RASGRP1: variants seen among roughly 807,000 people sequenced by gnomAD.
The protein encoded by RASGRP1 is RAS guanyl releasing protein 1, also known as RAS guanyl-releasing protein 1.
A neutral mutation model predicts 95.1 loss-of-function variants in RASGRP1; 37 were observed. The observed-to-expected ratio is 0.39, with a 90% confidence interval of 0.30 to 0.51. RASGRP1 has a LOEUF of 0.51. Ranked by LOEUF, RASGRP1 falls within the 20% of genes least tolerant of loss-of-function variation. The probability of loss-of-function intolerance (pLI) is 0.80; values close to 1 mark genes in which losing one functional copy is unlikely to be tolerated. For missense variants in RASGRP1, 711 were observed against 965.4 expected, an observed-to-expected ratio of 0.74 and a Z score of 3.49; for synonymous variants, 325 against 353.4, an observed-to-expected ratio of 0.92 and a Z score of 0.90.
chr15:38,525,095 G>A (rs765268600), intron 3 of RASGRP1, among the ~76,000 whole-genome samples: 5 of 151,774 alleles, frequency 3.3e-5, no homozygotes, highest in Non-Finnish European at 7.4e-5. Flanking sequence ...AGCCTCATGA[G>A]TAGCTGGAAT....
intron 2 of RASGRP1, among the ~76,000 whole-genome samples, chr15:38,557,940 A>T (rs919293715): frequency 6.6e-6 from 1 of 152,328 alleles, no homozygotes; most frequent in East Asian, 1.9e-4. Flanking sequence ...GAAGGACTTC[A>T]GAATCAGTCA....
chr15:38,557,527 C>T (rs558927299), intron 2 of RASGRP1, among the ~76,000 whole-genome samples: 1 of 152,180 alleles, frequency 6.6e-6, no homozygotes, highest in African/African-American at 2.4e-5. Flanking sequence ...TGCACTTACT[C>T]AAACTCTACA....
At chr15:38,520,315 G>A (rs774000997) in intron 3 of RASGRP1, among the ~76,000 whole-genome samples, 88 of 152,172 alleles carry the variant, frequency 5.8e-4, no homozygotes, top group Non-Finnish European at 9.8e-4. Flanking sequence ...GGAATCCAGT[G>A]AACAACCCAG....
chr15:38,507,047 G>A (rs1891287095), intron 9 of RASGRP1, among the ~76,000 whole-genome samples: 1 of 152,180 alleles, frequency 6.6e-6, no homozygotes, highest in Non-Finnish European at 1.5e-5. Context: ...AAAACAGCAG[G>A]TTAAAAACTG....
At chr15:38,561,439 C>G (rs1232593825) in intron 1 of RASGRP1, among the ~76,000 whole-genome samples, 2 of 152,102 alleles carry the variant, frequency 1.3e-5, no homozygotes, top group African/African-American at 4.8e-5. Flanking sequence ...CATGATGTTC[C>G]CAGAGAAGAA....
Position 38,506,006 on chromosome 15 carries a change from C to A in RASGRP1, c.1243-86G>T, listed in dbSNP as rs1166338291. The A allele has an allele frequency of 1.0e-4, 110 of 1,100,380 alleles. 1 individual carries two copies. In the South Asian group the frequency reaches 1.2e-3, roughly 12 times the overall value. The allele number at this position is 1,100,380 out of a possible 1,614,324, so 68.2% of individuals were successfully genotyped here. ...ATGGTTCTTTCTTGGATTTTCCTTG[C>A]CAGTAGTTTACTCTTTTAGGTTCTA... On this transcript the variant is annotated intron_variant, in intron 9 of 16. Transcript: ENST00000310803.
At chr15:38,518,252 G>A in intron 5 of RASGRP1, 40 bp downstream of exon 5, 1 of 1,593,448 alleles carries the variant, frequency 6.3e-7, no homozygotes, top group Non-Finnish European at 8.6e-7. Context: ...TTACAGGAGG[G>A]AGGTGGTTTC....
At chr15:38,491,802 A>C (rs113406482) in intron 16 of RASGRP1, among the ~76,000 whole-genome samples, 1 of 152,208 alleles carries the variant, frequency 6.6e-6, no homozygotes, top group Non-Finnish European at 1.5e-5. Context: ...AAAAGTAAAG[A>C]GAGGCGGTGG....
chr15:38,524,878 AG>A (rs1463160957), intron 3 of RASGRP1, among the ~76,000 whole-genome samples: 1 of 151,716 alleles, frequency 6.6e-6, no homozygotes, highest in African/African-American at 2.4e-5. Flanking sequence ...GAGAAGTACG[AG>A]GGACCATGGG....
At chr15:38,503,063 AGAG>A in intron 11 of RASGRP1, 1 of 582,404 alleles carries the variant, frequency 1.7e-6, no homozygotes, top group Non-Finnish European at 3.0e-6. Context: ...TAGGTCTTGA[AGAG>A]GAGGCACAAC....
intron 10 of RASGRP1, chr15:38,503,975 C>T (rs1210246111): frequency 6.8e-6 from 1 of 146,924 alleles, no homozygotes; most frequent in African/African-American, 2.5e-5. Context: ...GCCTACTGCT[C>T]CTAGGCTACA....
intron 4 of RASGRP1, 120 bp from the exon 5 acceptor site, chr15:38,518,543 G>A (rs560309111): frequency 4.9e-5 from 54 of 1,099,666 alleles, no homozygotes; most frequent in East Asian, 1.3e-4. Context: ...AGTCTGATTC[G>A]TCTATTAGTA....
At chr15:38,500,475 G>C (rs985307411) in intron 13 of RASGRP1, among the ~76,000 whole-genome samples, 8 of 151,988 alleles carry the variant, frequency 5.3e-5, no homozygotes, top group African/African-American at 1.7e-4. Flanking sequence ...CCAAGTAGCT[G>C]GGACTACCAG....
At chr15:38,550,242 C>CA (rs56383365) in intron 2 of RASGRP1, among the ~76,000 whole-genome samples, 39,317 of 88,506 alleles carry the variant, frequency 0.44, 7,472 homozygotes, top group East Asian at 0.61. Context: ...ACTCTGTCGC[C>CA]AAAAAAAAAA....
chr15:38,560,835 T>C (rs1893777306), intron 1 of RASGRP1, among the ~76,000 whole-genome samples: 1 of 152,176 alleles, frequency 6.6e-6, no homozygotes, highest in Non-Finnish European at 1.5e-5. Flanking sequence ...AAGGGCAAGT[T>C]TGGATCTAGA....
chr15:38,514,136 T>C (rs746093654), intron 6 of RASGRP1, among the ~76,000 whole-genome samples: 1 of 152,146 alleles, frequency 6.6e-6, no homozygotes, highest in Non-Finnish European at 1.5e-5. Context: ...TGGGGGGTTA[T>C]TACTACAGTA....
At chr15:38,504,808 G>A (rs1891189504) in intron 10 of RASGRP1, 1 of 152,150 alleles carries the variant, frequency 6.6e-6, no homozygotes, top group African/African-American at 2.4e-5. Context: ...AGTGAGTAAT[G>A]TGTTGTGCTA....
At chr15:38,536,675 T>A (rs1208274103) in intron 2 of RASGRP1, among the ~76,000 whole-genome samples, 1 of 152,200 alleles carries the variant, frequency 6.6e-6, no homozygotes, top group Non-Finnish European at 1.5e-5. Flanking sequence ...CTCATTCCAG[T>A]GCATGATGGA....
chr15:38,494,606 G>T lies in RASGRP1; in HGVS notation c.2035C>A (p.Pro679Thr), dbSNP rs1267404012. 1.3e-6 allele frequency: 2 copies of T among 1,560,000 alleles called. No homozygotes were observed. The highest frequency in any genetic ancestry group is 8.6e-7 in the Non-Finnish European group (1 of 1,157,602). Residue 679 changes from proline (P) to threonine (T), a missense_variant, in exon 16 of 17, where the codon CCT (proline) becomes ACT (threonine). Coordinates refer to ENST00000310803, the MANE Select transcript of RASGRP1 (RefSeq NM_005739.4). ...GAAGGGCCCTCACTGCCAATCCAAG[G>T]CTGTGATTCAGTCTGGGTGGCCTTG... ...AHKATQTESQ[P>T]WIGSEGPSGP...
Sources: gnomAD v4.1 joint callset for allele counts (sites outside exome capture counted in the v4.1 genomes callset) on GRCh38, gnomAD v4.1.1 for gene constraint, MANE v1.5 for transcripts, NCBI Gene and HGNC (gene_info 2026-07-23, HGNC 2026-07-21) for gene names.